The following MYT1L variants were observed in gnomAD, a reference collection of about 807,000 sequenced individuals.
MYT1L encodes the protein myelin transcription factor 1 like, also known as myelin transcription factor 1-like protein.
Under a neutral mutation model 126.7 loss-of-function variants are expected in MYT1L, and 12 were observed. That is an observed-to-expected ratio of 0.09 (90% CI 0.06 to 0.15). The LOEUF (loss-of-function observed/expected upper bound fraction) is 0.15, where lower values mean the gene tolerates loss of function less well. MYT1L is among the 10% of genes least tolerant of loss of function. The pLI is 1.00. For missense variants in MYT1L, 979 were observed against 1,585.2 expected, an observed-to-expected ratio of 0.62 and a Z score of 6.49; for synonymous variants, 541 against 604.2, an observed-to-expected ratio of 0.90 and a Z score of 1.53.
At chr2:1,926,173 G>C (rs2054208140) in intron 9 of MYT1L, among the ~76,000 whole-genome samples, 1 of 152,100 alleles carries the variant, frequency 6.6e-6, no homozygotes, top group Non-Finnish European at 1.5e-5. Context: ...CTCAAAGCCT[G>C]GCAGGTGAAT....
chr2:2,117,392 C>T (rs917039793), intron 3 of MYT1L, among the ~76,000 whole-genome samples: 1 of 152,170 alleles, frequency 6.6e-6, no homozygotes, highest in Non-Finnish European at 1.5e-5. Flanking sequence ...GACGTCTCCA[C>T]CCTCAGGGAT....
chr2:1,914,085 CT>C (rs1237200613), intron 11 of MYT1L, among the ~76,000 whole-genome samples: 3 of 152,162 alleles, frequency 2.0e-5, no homozygotes, highest in Admixed American at 6.5e-5. Flanking sequence ...GAAACCCCGT[CT>C]CTACTAAAAA....
chr2:1,922,518 C>T lies in MYT1L; in HGVS notation c.1251G>A (p.Ser417=), dbSNP rs774862534. Residue 417 remains serine (S), a synonymous_variant, in exon 10 of 25, where the codon TCG becomes TCA. Coordinates refer to ENST00000647738, the MANE Select transcript of MYT1L (RefSeq NM_001303052.2). The surrounding 1 kb of genome is among the most constrained non-coding windows in gnomAD (Gnocchi z 7.4). ...ERDDDTTSVN[S]DRSEEVFDMT... ...TGTCGAACACCTCTTCAGACCTGTC[C>T]GAGTTCACAGAGGTGGTATCGTCGT... The T allele has an allele frequency of 3.1e-5, 50 of 1,613,814 alleles. No individual in the cohort carries two copies. Among genetic ancestry groups the T allele is most frequent in the Admixed American group, 1.8e-4 (11 of 60,002 alleles).
chr2:2,091,030 A>G (rs979285160), intron 3 of MYT1L, among the ~76,000 whole-genome samples: 6 of 152,158 alleles, frequency 3.9e-5, no homozygotes, highest in African/African-American at 1.4e-4. Flanking sequence ...TCTTGGGTGA[A>G]CTTAAAATCA....
intron 1 of MYT1L, among the ~76,000 whole-genome samples, chr2:2,299,046 G>T (rs1339465558): frequency 6.6e-6 from 1 of 152,020 alleles, no homozygotes; most frequent in East Asian, 1.9e-4. Flanking sequence ...TAGAGACAGG[G>T]TTTCACCATG....
At chr2:1,976,684 AT>A (rs1473291337) in intron 8 of MYT1L, among the ~76,000 whole-genome samples, 3 of 152,224 alleles carry the variant, frequency 2.0e-5, no homozygotes, top group African/African-American at 4.8e-5. Context: ...AAATTTCCAA[AT>A]TTAAAACAGC....
chr2:1,970,012 C>T (rs75104732), intron 8 of MYT1L, among the ~76,000 whole-genome samples: 2,358 of 152,278 alleles, frequency 0.015, 56 homozygotes, highest in African/African-American at 0.054. Context: ...ATTGAAGCAA[C>T]GTTATGACCA....
chr2:1,911,965 G>T, intron 12 of MYT1L, 55 bp downstream of exon 12: 1 of 1,380,690 alleles, frequency 7.2e-7, no homozygotes, highest in Non-Finnish European at 9.9e-7. Flanking sequence ...GGAAGGAGAA[G>T]GCATGGAGAG....
At position 1,889,419 on chromosome 2, in the gene MYT1L, C is replaced by T. The variant is rs1423396407; in HGVS notation, c.2342G>A (p.Arg781Lys). 5.0e-6 allele frequency: 8 copies of T among 1,613,708 alleles called. No individual in the cohort carries two copies. Among genetic ancestry groups the T allele is most frequent in the Non-Finnish European group, 6.8e-6 (8 of 1,179,730 alleles). ...GTLDLSMNKQ[R>K]PRDSCCPILT... Reference sequence around the variant, plus strand: ...GATGGGGCAGCAGCTGTCCCGCGGCCTCTGCTTGTTCATGCTGAGGTCCAG... The same window carrying T: ...GATGGGGCAGCAGCTGTCCCGCGGCTTCTGCTTGTTCATGCTGAGGTCCAG... The change falls in exon 16 of 25, where the codon AGG becomes AAG. Residue 781 changes from arginine (R) to lysine (K), a missense_variant. Around this residue, in one of 12 missense-constraint regions of MYT1L, gnomAD observed 141 missense variants for 170.6 expected, o/e 0.83. Coordinates refer to ENST00000647738, the MANE Select transcript of MYT1L (RefSeq NM_001303052.2). The surrounding 1 kb of genome is among the most constrained non-coding windows in gnomAD (Gnocchi z 4.1).
chr2:1,805,473 C>T (rs1218435844), intron 22 of MYT1L, among the ~76,000 whole-genome samples: 20 of 152,154 alleles, frequency 1.3e-4, no homozygotes, highest in African/African-American at 4.8e-4. Context: ...AAAAGAAGGC[C>T]GGGCATGGTG....
chr2:1,802,454 A>T (rs2035025702), intron 22 of MYT1L, among the ~76,000 whole-genome samples: 1 of 152,226 alleles, frequency 6.6e-6, no homozygotes, highest in South Asian at 2.1e-4. Context: ...GACATTTAGC[A>T]AATAAAAAAT....
intron 3 of MYT1L, among the ~76,000 whole-genome samples, chr2:2,131,905 C>CTTTTT (rs58810405): frequency 8.1e-5 from 9 of 111,086 alleles, no homozygotes; most frequent in East Asian, 2.9e-4. Flanking sequence ...AGAGTTCATC[C>CTTTTT]TTTTTTTTTT....
Position 2,199,200 on chromosome 2 carries a change from A to T in MYT1L, c.-420-26212T>A, listed in dbSNP as rs181041096. Reference sequence around the variant, plus strand: ...CCTTAATAACAAAGTAAAGTGTGGGACTGCTTCTTCATAAAAAGTTCATCC... The same window carrying T: ...CCTTAATAACAAAGTAAAGTGTGGGTCTGCTTCTTCATAAAAAGTTCATCC... On this transcript the variant is annotated intron_variant, in intron 2 of 24. Coordinates refer to ENST00000647738, the MANE Select transcript of MYT1L (RefSeq NM_001303052.2). Among the ~76,000 whole-genome samples, 182 of 152,338 alleles carry T rather than the reference A, an allele frequency of 1.2e-3. 2 individuals are homozygous for T. The highest frequency in any genetic ancestry group is 2.1e-3 in the South Asian group (10 of 4,830).
At chr2:1,934,640 G>C (rs189629174) in intron 9 of MYT1L, among the ~76,000 whole-genome samples, 1 of 151,394 alleles carries the variant, frequency 6.6e-6, no homozygotes, top group Non-Finnish European at 1.5e-5. Flanking sequence ...TGAAACATTC[G>C]AACGAATTAC....
At chr2:1,865,907 A>T (rs13428184) in intron 18 of MYT1L, among the ~76,000 whole-genome samples, 9,326 of 152,162 alleles carry the variant, frequency 0.061, 346 homozygotes, top group Non-Finnish European at 0.072. Context: ...ACTGCTGCCA[A>T]CCCTGTTTCA....
At chr2:2,023,844 G>A (rs909467828) in intron 4 of MYT1L, among the ~76,000 whole-genome samples, 1 of 152,046 alleles carries the variant, frequency 6.6e-6, no homozygotes, top group Non-Finnish European at 1.5e-5. Context: ...TGTTTTCTGG[G>A]GTGGGCTCTT....
intron 21 of MYT1L, among the ~76,000 whole-genome samples, chr2:1,818,636 G>A (rs1272792853): frequency 3.9e-5 from 6 of 152,038 alleles, no homozygotes; most frequent in African/African-American, 1.4e-4. Flanking sequence ...TGCCCCGGTC[G>A]CCACGAGAGC....
chr2:1,802,338 T>G (rs912211997), intron 22 of MYT1L, among the ~76,000 whole-genome samples: 2 of 152,126 alleles, frequency 1.3e-5, no homozygotes, highest in African/African-American at 2.4e-5. Flanking sequence ...CAGCAAACGC[T>G]GAGGATGACC....
chr2:2,308,314 C>T (rs966441205), intron 1 of MYT1L, among the ~76,000 whole-genome samples: 2 of 151,970 alleles, frequency 1.3e-5, no homozygotes, highest in Non-Finnish European at 2.9e-5. Flanking sequence ...TACGTTCTAC[C>T]CATACTCCAC....
Sources: gnomAD v4.1 joint callset for allele counts (sites outside exome capture counted in the v4.1 genomes callset) on GRCh38, gnomAD v4.1.1 for gene constraint, gnomAD v4.1.1 regional missense constraint, Gnocchi (gnomAD v3.1) non-coding constraint, MANE v1.5 for transcripts, NCBI Gene and HGNC (gene_info 2026-07-23, HGNC 2026-07-21) for gene names.